Variants in CACNG3 observed in about 807,000 individuals in gnomAD.
The protein encoded by CACNG3 is calcium voltage-gated channel auxiliary subunit gamma 3, also known as voltage-dependent calcium channel gamma-3 subunit.
Under a neutral mutation model 28.5 loss-of-function variants are expected in CACNG3, and 3 were observed. That is an observed-to-expected ratio of 0.11 (90% confidence interval 0.05 to 0.27). The LOEUF (loss-of-function observed/expected upper bound fraction) is 0.27. Ranked by LOEUF, CACNG3 falls within the 10% of genes least tolerant of loss-of-function variation. The probability of loss-of-function intolerance (pLI) is 1.00; values close to 1 mark genes in which losing one functional copy is unlikely to be tolerated. For missense variants in CACNG3, 236 were observed against 414.4 expected, an observed-to-expected ratio of 0.57 and a Z score of 3.74; for synonymous variants, 174 against 162.2, an observed-to-expected ratio of 1.07 and a Z score of -0.55.
intron 1 of CACNG3, among the ~76,000 whole-genome samples, chr16:24,309,921 C>T (rs544831406): frequency 1.6e-4 from 25 of 152,126 alleles, no homozygotes; most frequent in Non-Finnish European, 2.4e-4. Context: ...CATGCTACAT[C>T]GCGGGGACTT....
chr16:24,308,580 C>A (rs542356963), intron 1 of CACNG3, among the ~76,000 whole-genome samples: 2 of 151,978 alleles, frequency 1.3e-5, no homozygotes. Flanking sequence ...TCAGGCCAGG[C>A]GCCGTGGCTC....
At chr16:24,311,788 G>A (rs1201412525) in intron 1 of CACNG3, among the ~76,000 whole-genome samples, 2 of 151,730 alleles carry the variant, frequency 1.3e-5, no homozygotes, top group Non-Finnish European at 2.9e-5. Flanking sequence ...CCTGGGAGGT[G>A]GAGGTGAGCC....
At position 24,362,410 on chromosome 16, in the gene CACNG3, C is replaced by T. The variant is rs1243157869; in HGVS notation, c.*547C>T. 2.0e-5 allele frequency: 3 copies of T among 152,798 alleles called. No individual in the cohort carries two copies. The highest frequency in any genetic ancestry group is 6.5e-5 in the Admixed American group (1 of 15,296). The allele number at this position is 152,798 out of a possible 1,614,324, so 9.5% of individuals were successfully genotyped here. On this transcript the variant is annotated 3_prime_UTR_variant, in exon 4 of 4. Coordinates refer to ENST00000005284, the MANE Select transcript of CACNG3 (RefSeq NM_006539.4). ...ATTAAAGGTTTTGCCTTGTCGTAAC[C>T]AACCGAGCCGGGGGTGTTTTGTTTC...
At chr16:24,349,520 GC>G (rs769570049) in intron 2 of CACNG3, among the ~76,000 whole-genome samples, 13 of 152,216 alleles carry the variant, frequency 8.5e-5, no homozygotes, top group Non-Finnish European at 1.8e-4. Context: ...AAAGGGGTAG[GC>G]GATTCCAGGA....
chr16:24,333,881 G>A (rs761627914), intron 1 of CACNG3, among the ~76,000 whole-genome samples: 11 of 152,102 alleles, frequency 7.2e-5, no homozygotes, highest in Non-Finnish European at 1.0e-4. Flanking sequence ...GAGGACAGGA[G>A]AGGAATTCAG....
chr16:24,315,530 TTTC>T (rs1183625155), intron 1 of CACNG3, among the ~76,000 whole-genome samples: 6 of 151,604 alleles, frequency 4.0e-5, no homozygotes, highest in Non-Finnish European at 7.4e-5. Context: ...TCTTTCTTTC[TTTC>T]TTTTTCCTTT....
Position 24,352,261 on chromosome 16 carries a change from T to C in CACNG3, c.296-2572T>C, listed in dbSNP as rs1403788348. On this transcript the variant is annotated intron_variant, in intron 2 of 3. Coordinates refer to ENST00000005284, the MANE Select transcript of CACNG3 (RefSeq NM_006539.4). ...GGTTAAAGGCTTGAACACTGAGCAA[T>C]GTGAACTAAGCTTTGAACCCCTGAG... 2.0e-5 allele frequency among the ~76,000 whole-genome samples: 3 copies of C among 152,038 alleles called. No individual in the cohort carries two copies. In the East Asian group the frequency reaches 5.8e-4, roughly 29 times the overall value.
chr16:24,289,031 C>A (rs73554475), intron 1 of CACNG3, among the ~76,000 whole-genome samples: 2,009 of 152,258 alleles, frequency 0.013, 38 homozygotes, highest in African/African-American at 0.046. Flanking sequence ...GTGGTCTTTC[C>A]TGGCCAGGGA....
At chr16:24,280,062 G>A (rs1268632606) in intron 1 of CACNG3, among the ~76,000 whole-genome samples, 1 of 152,180 alleles carries the variant, frequency 6.6e-6, no homozygotes, top group Admixed American at 6.5e-5. Flanking sequence ...AGAGGCAACC[G>A]GTGAAAGGTC....
intron 2 of CACNG3, among the ~76,000 whole-genome samples, chr16:24,350,013 C>A (rs1899920110): frequency 6.6e-6 from 1 of 152,030 alleles, no homozygotes; most frequent in South Asian, 2.1e-4. Context: ...ACCCTTAAGA[C>A]CTTAACTTAG....
rs1477357732 is a variant in CACNG3 at position 24,361,296 on chromosome 16, T to C, written c.437-56T>C. The C allele has an allele frequency of 1.6e-5, 20 of 1,289,708 alleles. No homozygotes were observed. The highest frequency in any genetic ancestry group is 7.5e-6 in the Non-Finnish European group (7 of 927,402). The allele number at this position is 1,289,708 out of a possible 1,614,324, so 79.9% of individuals were successfully genotyped here. ...TCTATAAATATTTTAAGATGGAAAGTGACAGTTCTCTCCGAGGTGTATAAA... is the reference window on the plus strand; with the variant it reads ...TCTATAAATATTTTAAGATGGAAAGCGACAGTTCTCTCCGAGGTGTATAAA... On this transcript the variant is annotated intron_variant, in intron 3 of 3. Transcript: ENST00000005284. This position sits in a 1 kb window ranked among gnomAD's most constrained non-coding sequence, Gnocchi z 6.8.
intron 1 of CACNG3, among the ~76,000 whole-genome samples, chr16:24,342,409 G>T (rs1044995421): frequency 1.1e-4 from 17 of 152,100 alleles, no homozygotes; most frequent in African/African-American, 3.1e-4. Flanking sequence ...CCAGATTTGC[G>T]CCAGAAGCCA....
intron 1 of CACNG3, among the ~76,000 whole-genome samples, chr16:24,334,616 A>C (rs1406445056): frequency 6.6e-6 from 1 of 152,220 alleles, no homozygotes; most frequent in Non-Finnish European, 1.5e-5. Flanking sequence ...TCAGGACTGC[A>C]AACTTGGAAA....
intron 1 of CACNG3, among the ~76,000 whole-genome samples, chr16:24,341,348 T>C (rs141772112): frequency 1.3e-5 from 2 of 151,984 alleles, no homozygotes; most frequent in South Asian, 4.2e-4. Flanking sequence ...AATTCTTGAT[T>C]CCTTTTCCTT....
At chr16:24,274,673 A>G (rs1898731800) in intron 1 of CACNG3, among the ~76,000 whole-genome samples, 1 of 152,182 alleles carries the variant, frequency 6.6e-6, no homozygotes, top group South Asian at 2.1e-4. Flanking sequence ...TGGTTGATGA[A>G]GGTAGTCAAA....
intron 2 of CACNG3, among the ~76,000 whole-genome samples, chr16:24,348,981 C>G (rs2141380968): frequency 6.6e-6 from 1 of 152,312 alleles, no homozygotes; most frequent in Middle Eastern, 3.4e-3. Flanking sequence ...ACCCCTAGCC[C>G]TCGGTCCACC....
At chr16:24,342,060 G>A (rs1899798023) in intron 1 of CACNG3, among the ~76,000 whole-genome samples, 1 of 152,206 alleles carries the variant, frequency 6.6e-6, no homozygotes, top group South Asian at 2.1e-4. Context: ...CTGAGGTCAG[G>A]AGTTCAAGAC....
chr16:24,297,908 AGTT>A (rs932988614), intron 1 of CACNG3, among the ~76,000 whole-genome samples: 67 of 152,058 alleles, frequency 4.4e-4, no homozygotes, highest in African/African-American at 1.3e-3. Context: ...CATACCCCAA[AGTT>A]GTTGTCACAG....
chr16:24,317,747 C>T (rs921786929), intron 1 of CACNG3, among the ~76,000 whole-genome samples: 1 of 151,922 alleles, frequency 6.6e-6, no homozygotes, highest in Admixed American at 6.6e-5. Context: ...TGCTGAACCT[C>T]GGGTCCCACC....
Sources: allele counts gnomAD v4.1 joint callset (sites outside exome capture counted in the v4.1 genomes callset), GRCh38; gene constraint gnomAD v4.1.1; non-coding constraint Gnocchi (gnomAD v3.1); transcripts MANE v1.5; gene names NCBI Gene and HGNC (gene_info 2026-07-23, HGNC 2026-07-21).